NR1H4: variants seen among roughly 807,000 people sequenced by gnomAD.
The protein encoded by NR1H4 is bile acid receptor.
In NR1H4, 23 loss-of-function variants were observed where a neutral mutation model predicts 58.5. The ratio of observed to expected loss-of-function variants is 0.39; its 90% confidence interval spans 0.28 to 0.56. The LOEUF (loss-of-function observed/expected upper bound fraction) is 0.56, where lower values mean the gene tolerates loss of function less well. Ranked by LOEUF, NR1H4 falls within the 20% of genes least tolerant of loss-of-function variation. The pLI, the probability that NR1H4 is intolerant of heterozygous loss-of-function variation, is 0.58. For missense variants in NR1H4, 487 were observed against 576.9 expected (o/e 0.84, Z 1.60); for synonymous variants, 214 against 198.0 (o/e 1.08, Z -0.68).
At chr12:100,522,990 A>G (rs2136202914) in intron 4 of NR1H4, among the ~76,000 whole-genome samples, 1 of 152,282 alleles carries the variant, frequency 6.6e-6, no homozygotes, top group African/African-American at 2.4e-5. Flanking sequence ...ATATCTTTGC[A>G]ATTGTGAATT....
intron 1 of NR1H4, among the ~76,000 whole-genome samples, chr12:100,487,595 C>CTTTTTT (rs34694873): frequency 2.5e-4 from 29 of 115,966 alleles, no homozygotes; most frequent in Middle Eastern, 4.7e-3. Flanking sequence ...TCTTCTTCTT[C>CTTTTTT]TTTTTTTTTT....
chr12:100,510,679 CT>C (rs1180859991), intron 3 of NR1H4, 98 bp from the exon 4 acceptor site: 2 of 1,177,196 alleles, frequency 1.7e-6, no homozygotes, highest in African/African-American at 3.1e-5. Context: ...ATGTTTCAAT[CT>C]TTTCTTAGAG....
intron 4 of NR1H4, among the ~76,000 whole-genome samples, chr12:100,520,539 C>T (rs1954388218): frequency 6.6e-6 from 1 of 152,182 alleles, no homozygotes; most frequent in African/African-American, 2.4e-5. Flanking sequence ...CCTCAGCTGC[C>T]ATCTAGGGAT....
intron 4 of NR1H4, among the ~76,000 whole-genome samples, chr12:100,531,806 C>CG (rs1566461179): frequency 1.3e-5 from 2 of 152,004 alleles, no homozygotes; most frequent in South Asian, 4.2e-4. Context: ...TATACCTTCT[C>CG]GGGGGAGATG....
intron 9 of NR1H4, among the ~76,000 whole-genome samples, chr12:100,560,321 G>A (rs1593142239): frequency 1.3e-5 from 2 of 152,320 alleles, no homozygotes; most frequent in South Asian, 4.1e-4. Flanking sequence ...CCACACTGTG[G>A]AGGCTTTGTT....
At chr12:100,513,138 CT>C (rs1318577184) in intron 4 of NR1H4, among the ~76,000 whole-genome samples, 2 of 152,152 alleles carry the variant, frequency 1.3e-5, no homozygotes, top group African/African-American at 4.8e-5. Context: ...GGTAAATGAA[CT>C]TATACATTCG....
rs76091959 is a variant in NR1H4 at position 100,560,979 on chromosome 12, G to A, written c.1079-906G>A. Among the ~76,000 whole-genome samples, 288 of 152,222 alleles carry A rather than the reference G, an allele frequency of 1.9e-3. 1 individual carries two copies. The highest frequency in any genetic ancestry group is 6.5e-3 in the African/African-American group (269 of 41,542). On this transcript the variant is annotated intron_variant, in intron 9 of 10. Transcript: ENST00000392986. ...GAAAGAAGTGGATTTGGAGAAACGT[G>A]GGGGAGCTTAGTTCTGTGGTGTCTT...
intron 9 of NR1H4, among the ~76,000 whole-genome samples, chr12:100,561,125 G>A (rs1490751319): frequency 2.0e-5 from 3 of 152,190 alleles, no homozygotes; most frequent in Admixed American, 6.5e-5. Flanking sequence ...GGCTGGGCGC[G>A]GTGGCTCACG....
chr12:100,540,130 A>G (rs1387501383), intron 8 of NR1H4, among the ~76,000 whole-genome samples: 1 of 152,154 alleles, frequency 6.6e-6, no homozygotes, highest in Non-Finnish European at 1.5e-5. Context: ...CAGGTTGGCA[A>G]TTCTTACCAT....
At position 100,510,867 on chromosome 12, in the gene NR1H4, G is replaced by A; in HGVS notation, c.169G>A (p.Val57Ile). The change falls in exon 4 of 11, where the codon GTT (valine) becomes ATT (isoleucine). Residue 57 changes from valine to isoleucine, a missense_variant. By Grantham distance (29) the Val-to-Ile change is conservative. Coordinates refer to ENST00000392986, the MANE Select transcript of NR1H4 (RefSeq NM_001206979.2). ...ATACAGCAATGTTCAGTTTCCCCAA[G>A]TTCAACCACAGATTTCCTCGTCATC... ...SQYSNVQFPQ[V>I]QPQISSSSYY... 1 of 1,614,114 alleles carries A rather than the reference G, an allele frequency of 6.2e-7. No homozygotes were observed. Among genetic ancestry groups the A allele is most frequent in the Non-Finnish European group, 8.5e-7 (1 of 1,180,026 alleles).
At chr12:100,559,505 A>G (rs1375830764) in intron 9 of NR1H4, among the ~76,000 whole-genome samples, 2 of 152,074 alleles carry the variant, frequency 1.3e-5, no homozygotes, top group Admixed American at 6.5e-5. Flanking sequence ...GCCCCGGGTA[A>G]TAAGGGACTT....
chr12:100,534,712 G>A (rs879671328), intron 5 of NR1H4, among the ~76,000 whole-genome samples, 178 bp from the exon 6 acceptor site: 6 of 152,148 alleles, frequency 3.9e-5, no homozygotes, highest in Non-Finnish European at 7.4e-5. Context: ...TAAACTACTT[G>A]TTCAAGGTTA....
At chr12:100,480,387 A>G (rs1485671075) in intron 1 of NR1H4, among the ~76,000 whole-genome samples, 1 of 152,238 alleles carries the variant, frequency 6.6e-6, no homozygotes, top group African/African-American at 2.4e-5. Context: ...CTTATCACAC[A>G]TAGCTAAAGA....
At chr12:100,513,316 AT>A (rs571530051) in intron 4 of NR1H4, among the ~76,000 whole-genome samples, 396 of 151,866 alleles carry the variant, frequency 2.6e-3, no homozygotes, top group African/African-American at 9.2e-3. Flanking sequence ...ACACATTAAA[AT>A]TTTTTTTTAC....
intron 1 of NR1H4, among the ~76,000 whole-genome samples, chr12:100,490,194 C>T (rs562722927): frequency 4.6e-4 from 70 of 152,190 alleles, no homozygotes; most frequent in African/African-American, 1.6e-3. Context: ...GTATGCCAGG[C>T]CCTTAATTTG....
intron 1 of NR1H4, among the ~76,000 whole-genome samples, chr12:100,491,634 AC>A (rs1324144621): frequency 6.6e-6 from 1 of 151,580 alleles, no homozygotes; most frequent in Admixed American, 6.6e-5. Context: ...ATTTTCTCCC[AC>A]CAAGCCGCTT....
At chr12:100,511,739 CG>C (rs1007368403) in intron 4 of NR1H4, among the ~76,000 whole-genome samples, 4 of 150,908 alleles carry the variant, frequency 2.7e-5, no homozygotes, top group Non-Finnish European at 5.9e-5. Context: ...CTGGCCAACA[CG>C]GTGAAATCTC....
intron 9 of NR1H4, among the ~76,000 whole-genome samples, chr12:100,558,179 T>G (rs1955375233): frequency 7.3e-6 from 1 of 136,452 alleles, no homozygotes; most frequent in Non-Finnish European, 1.5e-5. Flanking sequence ...GCCAATATAG[T>G]GAAACCCTGT....
rs2136227670 is a variant in NR1H4, at chr12:100,532,443, G to A, written c.446-15G>A. On this transcript the variant is annotated splice_polypyrimidine_tract_variant and intron_variant, in intron 4 of 10. Coordinates refer to ENST00000392986, the MANE Select transcript of NR1H4 (RefSeq NM_001206979.2). ...GTGAGAGGACTTTTTACACTTTTCA[G>A]TGTTTCTCCCACAGGTTTCTTCAGG... 6.2e-7 allele frequency: 1 copy of A among 1,613,806 alleles called. No homozygotes were observed. The highest frequency in any genetic ancestry group is 1.1e-5 in the South Asian group (1 of 91,082).
Sources: allele counts gnomAD v4.1 joint callset (sites outside exome capture counted in the v4.1 genomes callset), GRCh38; gene constraint gnomAD v4.1.1; transcripts MANE v1.5; gene names NCBI Gene and HGNC (gene_info 2026-07-23, HGNC 2026-07-21).